The following ITPR1 variants were observed in gnomAD, a reference collection of about 807,000 sequenced individuals.
ITPR1 encodes the protein inositol 1,4,5-trisphosphate-gated calcium channel ITPR1.
Under a neutral mutation model 318.4 loss-of-function variants are expected in ITPR1, and 96 were observed. The ratio of observed to expected loss-of-function variants is 0.30; its 90% CI spans 0.26 to 0.36. The LOEUF is 0.36. Ranked by LOEUF, ITPR1 falls within the 10% of genes least tolerant of loss-of-function variation. The pLI, the probability that ITPR1 is intolerant of heterozygous loss-of-function variation, is 1.00. For synonymous variants in ITPR1, 1,312 were observed against 1,289.9 expected (o/e 1.02, Z -0.37); for missense variants, 2,440 against 3,460.2 (o/e 0.71, Z 7.40).
At chr3:4,827,204 C>T (rs2106522413) in intron 60 of ITPR1, among the ~76,000 whole-genome samples, 1 of 152,326 alleles carries the variant, frequency 6.6e-6, no homozygotes, top group East Asian at 1.9e-4. Flanking sequence ...CCCGACAGCA[C>T]CACCACCGTG....
At position 4,779,260 on chromosome 3, in the gene ITPR1, A is replaced by G. The variant is rs934008482; in HGVS notation, c.6292-290A>G. Reference sequence around the variant, plus strand: ...GTAAGCACCCACGTGTAAATTCCCAATTTCTTCTAGGACTTGTACCAGCTA... The same window carrying G: ...GTAAGCACCCACGTGTAAATTCCCAGTTTCTTCTAGGACTTGTACCAGCTA... On this transcript the variant is annotated intron_variant, in intron 48 of 61. Transcript: ENST00000649015. The surrounding 1 kb of genome is among the most constrained non-coding windows in gnomAD (Gnocchi z 4.0). 2.6e-5 allele frequency among the ~76,000 whole-genome samples: 4 copies of G among 152,288 alleles called. No homozygotes were observed. The highest frequency in any genetic ancestry group is 1.9e-4 in the East Asian group (1 of 5,186).
At chr3:4,832,237 G>T (rs1222946443) in intron 60 of ITPR1, among the ~76,000 whole-genome samples, 6 of 152,234 alleles carry the variant, frequency 3.9e-5, no homozygotes, top group Admixed American at 6.5e-5. Flanking sequence ...GAGACTCTGT[G>T]TGGTGGTGAT....
chr3:4,567,666 G>A (rs962398397), intron 4 of ITPR1, among the ~76,000 whole-genome samples: 8 of 151,944 alleles, frequency 5.3e-5, no homozygotes, highest in East Asian at 3.9e-4. Flanking sequence ...AGTGCATGCT[G>A]CCATCTTGGC....
At chr3:4,837,030 G>C in intron 61 of ITPR1, 95 bp downstream of exon 61, 3 of 1,136,694 alleles carry the variant, frequency 2.6e-6, no homozygotes, top group Non-Finnish European at 3.6e-6. Context: ...AATCAGTAGT[G>C]CTTCATCTAG....
intron 20 of ITPR1, 85 bp downstream of exon 20, chr3:4,671,011 C>G: frequency 2.2e-6 from 2 of 924,298 alleles, no homozygotes; most frequent in Non-Finnish European, 3.1e-6. Flanking sequence ...TTGATTACTT[C>G]AAGGAATCAC....
At chr3:4,738,074 G>T (rs939224159) in intron 44 of ITPR1, among the ~76,000 whole-genome samples, 1 of 152,170 alleles carries the variant, frequency 6.6e-6, no homozygotes, top group Non-Finnish European at 1.5e-5. Flanking sequence ...GGTGGAGGTC[G>T]GAAGGAGGGA....
At chr3:4,686,136 A>G (rs534161906) in intron 30 of ITPR1, among the ~76,000 whole-genome samples, 1 of 152,302 alleles carries the variant, frequency 6.6e-6, no homozygotes, top group Non-Finnish European at 1.5e-5. Context: ...AGAGAGCTGC[A>G]GCGGGAGAGG....
At chr3:4,609,875 C>A (rs955626109) in intron 4 of ITPR1, among the ~76,000 whole-genome samples, 4 of 152,180 alleles carry the variant, frequency 2.6e-5, no homozygotes, top group Non-Finnish European at 1.5e-5. Flanking sequence ...CCAGCAGTGA[C>A]AGCTCTGCTC....
chr3:4,622,737 G>A (rs376964096), intron 4 of ITPR1, among the ~76,000 whole-genome samples: 7 of 152,314 alleles, frequency 4.6e-5, no homozygotes, highest in East Asian at 1.9e-4. Context: ...AGTAGTAATT[G>A]AATCCAAGAA....
chr3:4,636,868 T>G (rs1288247026), intron 5 of ITPR1, among the ~76,000 whole-genome samples: 1 of 152,272 alleles, frequency 6.6e-6, no homozygotes, highest in Non-Finnish European at 1.5e-5. Context: ...AATTAGTCTT[T>G]AATGTGGAAT....
At chr3:4,631,806 G>T (rs942970577) in intron 5 of ITPR1, among the ~76,000 whole-genome samples, 20 of 152,092 alleles carry the variant, frequency 1.3e-4, no homozygotes, top group Non-Finnish European at 2.6e-4. Context: ...GGGGTGCTAG[G>T]TTCAGGTAAT....
chr3:4,514,372 T>C (rs1009180589), intron 2 of ITPR1, among the ~76,000 whole-genome samples: 1 of 152,226 alleles, frequency 6.6e-6, no homozygotes, highest in Non-Finnish European at 1.5e-5. Flanking sequence ...AGGAATGCAA[T>C]GTCCAGACAT....
intron 37 of ITPR1, among the ~76,000 whole-genome samples, chr3:4,708,477 A>G (rs550963256): frequency 1.4e-4 from 22 of 152,314 alleles, no homozygotes; most frequent in Admixed American, 5.9e-4. Context: ...CCAGTTCTTA[A>G]ATAACAAAGA....
chr3:4,535,591 T>C (rs905905773), intron 4 of ITPR1, among the ~76,000 whole-genome samples: 19 of 151,716 alleles, frequency 1.3e-4, no homozygotes, highest in East Asian at 3.9e-4. Flanking sequence ...TACAGGTGCC[T>C]GCCACCACGC....
At chr3:4,841,940 G>A (rs1307683640) in intron 61 of ITPR1, among the ~76,000 whole-genome samples, 1 of 152,194 alleles carries the variant, frequency 6.6e-6, no homozygotes, top group Non-Finnish European at 1.5e-5. Flanking sequence ...TTATAGGGCT[G>A]TAGAAAATAA....
chr3:4,809,468 G>T (rs1023495487), intron 55 of ITPR1, among the ~76,000 whole-genome samples: 31 of 152,142 alleles, frequency 2.0e-4, no homozygotes, highest in Non-Finnish European at 4.3e-4. Context: ...CTGGTTATGT[G>T]CCAGTATTAT....
rs528595284 is a variant in ITPR1, at chr3:4,533,700, C to T, written c.163+12606C>T. Among the ~76,000 whole-genome samples, 4 of 152,188 alleles carry T rather than the reference C, an allele frequency of 2.6e-5. No individual in the cohort carries two copies. In the East Asian group the frequency reaches 7.7e-4, roughly 29 times the overall value. On this transcript the variant is annotated intron_variant, in intron 4 of 61. Coordinates refer to ENST00000649015, the MANE Select transcript of ITPR1 (RefSeq NM_001378452.1). Reference sequence around the variant, plus strand: ...CCATAGCCAGGCAGACTTTAGCCTTCCTGAATTTTTTAGATTTTATTGAGT... The same window carrying T: ...CCATAGCCAGGCAGACTTTAGCCTTTCTGAATTTTTTAGATTTTATTGAGT...
At chr3:4,700,081 T>C (rs1019474867) in intron 35 of ITPR1, 140 bp downstream of exon 35, 36 of 700,402 alleles carry the variant, frequency 5.1e-5, no homozygotes, top group Non-Finnish European at 8.2e-5. Context: ...TGGTGGAAGA[T>C]AGCTTTGATG....
intron 30 of ITPR1, among the ~76,000 whole-genome samples, chr3:4,685,588 T>C (rs148894905): frequency 1.3e-5 from 2 of 152,364 alleles, no homozygotes; most frequent in African/African-American, 4.8e-5. Flanking sequence ...ATTAAGTGCA[T>C]GTAGGAACAT....
Sources: gnomAD v4.1 joint callset for allele counts (sites outside exome capture counted in the v4.1 genomes callset) on GRCh38, gnomAD v4.1.1 for gene constraint, Gnocchi (gnomAD v3.1) non-coding constraint, MANE v1.5 for transcripts, NCBI Gene and HGNC (gene_info 2026-07-23, HGNC 2026-07-21) for gene names.